ACY1: variants seen among roughly 807,000 people sequenced by gnomAD.
ACY1 encodes aminoacylase-1.
ACY1 carries 38 observed loss-of-function variants against 53.3 expected under a neutral mutation model. That is an observed-to-expected ratio of 0.71 (90% CI 0.55 to 0.93). The LOEUF is 0.93. ACY1 is among the 40% of genes least tolerant of loss of function. The pLI, the probability that ACY1 is intolerant of heterozygous loss-of-function variation, is 0.00. For missense variants in ACY1, 484 were observed against 540.9 expected (o/e 0.89, Z 1.04); for synonymous variants, 177 against 202.1 (o/e 0.88, Z 1.05).
At chr3:51,986,575 C>T (rs1701066591) in intron 7 of ACY1, 30 bp from the exon 8 acceptor site, 5 of 1,614,154 alleles carry the variant, frequency 3.1e-6, no homozygotes, top group South Asian at 1.1e-5. Context: ...CTGAGCTGCT[C>T]CACCCTCTGA....
chr3:51,985,916 G>A lies in ACY1; in HGVS notation c.329G>A (p.Gly110Asp). ...KDSEGYIYAR[G>D]AQDMKCVSIQ... is the part of the protein sequence containing the mutation. ...TCTGAGGGCTACATCTATGCCAGGG[G>A]TGCCCAGGACATGAAGTGCGTCAGC... Residue 110 changes from glycine (G) to aspartate (D), a missense_variant, in exon 5 of 15, where the codon GGT (glycine) becomes GAT (aspartate). Transcript: ENST00000636358. 1 of 1,613,120 alleles carries A rather than the reference G, an allele frequency of 6.2e-7. No homozygotes were observed. Among genetic ancestry groups the A allele is most frequent in the Non-Finnish European group, 8.5e-7 (1 of 1,179,598 alleles).
intron 8 of ACY1, 85 bp from the exon 9 acceptor site, chr3:51,986,903 A>C: frequency 6.9e-7 from 1 of 1,447,238 alleles, no homozygotes; most frequent in African/African-American, 1.4e-5. Context: ...GCCTGGAATG[A>C]GGGGGAGACC....
rs1359210447 is a variant in ACY1 at position 51,983,779 on chromosome 3, C to A, written c.-19+190C>A. Among the ~76,000 whole-genome samples the A allele has an allele frequency of 2.0e-5, 3 of 151,766 alleles. 1 individual carries two copies. Among genetic ancestry groups the A allele is most frequent in the African/African-American group, 7.3e-5 (3 of 41,270 alleles). On this transcript the variant is annotated intron_variant, in intron 1 of 14. Transcript: ENST00000636358. ...GCTACTCTATGAGCTGTCCTTGAACCTCTCTGAGCCTCTCAGCTTTCTCCT... is the reference window on the plus strand; with the variant it reads ...GCTACTCTATGAGCTGTCCTTGAACATCTCTGAGCCTCTCAGCTTTCTCCT...
Position 51,987,060 on chromosome 3 carries a change from T to C in ACY1, c.656T>C (p.Leu219Pro), listed in dbSNP as rs760174812. Residue 219 changes from leucine to proline, a missense_variant and splice_region_variant, in exon 9 of 15, where the codon CTG becomes CCG. Physicochemically the swap from Leu to Pro is moderately conservative, Grantham distance 98. Transcript: ENST00000636358. ...RFMEDTAAEK[L>P]HKVVNSILAF... The stretch of plus-strand genomic sequence containing the variant: ...ATGGAGGACACAGCAGCAGAGAAGC[T>C]GGTACGTGGCACCCCAGGAGGGAGT... 1 of 1,613,960 alleles carries C rather than the reference T, an allele frequency of 6.2e-7. No homozygotes were observed. The highest frequency in any genetic ancestry group is 8.5e-7 in the Non-Finnish European group (1 of 1,180,002).
chr3:51,985,063 G>A (rs991180980), intron 2 of ACY1, 144 bp from the exon 3 acceptor site: 2 of 832,794 alleles, frequency 2.4e-6, no homozygotes, highest in African/African-American at 3.4e-5. Context: ...TCTTGGGGAT[G>A]GAAATGCAAG....
rs544960661 is a variant in ACY1 at position 51,989,010 on chromosome 3, G to A, written c.1162G>A (p.Val388Met). 3 of 1,614,120 alleles carry A rather than the reference G, an allele frequency of 1.9e-6. No homozygotes were observed. Among genetic ancestry groups the A allele is most frequent in the East Asian group, 2.2e-5 (1 of 44,872 alleles). ...RLHEAVFLRG[V>M]DIYTRLLPAL... ...GCATGAGGCTGTGTTCCTCCGTGGG[G>A]TGGACATATATACACGCCTGCTGCC... The change falls in exon 15 of 15, where the codon GTG (valine) becomes ATG (methionine). Residue 388 changes from valine (V) to methionine (M), a missense_variant. Val to Met is a conservative substitution (Grantham distance 21). Coordinates refer to ENST00000636358, the MANE Select transcript of ACY1 (RefSeq NM_000666.3).
rs757825436 is a variant in ACY1 at position 51,987,549 on chromosome 3, C to G, written c.853-7C>G. 8.7e-6 allele frequency: 14 copies of G among 1,614,114 alleles called. No homozygotes were observed. The Admixed American group carries it at 2.2e-4, about 25-fold the overall frequency. ...CCTGAAGGATCAGCTCGTCTCCCTT[C>G]TCTTAGGCTTTTGAGGAGCAGCTGC... On this transcript the variant is annotated splice_region_variant and splice_polypyrimidine_tract_variant and intron_variant, in intron 11 of 14. Coordinates refer to ENST00000636358, the MANE Select transcript of ACY1 (RefSeq NM_000666.3).
chr3:51,985,059 G>A, intron 2 of ACY1, 148 bp from the exon 3 acceptor site: 2 of 816,768 alleles, frequency 2.4e-6, no homozygotes, highest in Admixed American at 4.1e-5. Context: ...TCTTTCTTGG[G>A]GATGGAAATG....
chr3:51,988,415 A>C (rs1268673851), intron 12 of ACY1, 109 bp from the exon 13 acceptor site: 5 of 949,416 alleles, frequency 5.3e-6, no homozygotes, highest in Non-Finnish European at 8.5e-6. Context: ...GGGTAGGTGA[A>C]GGAGTGGGGG....
At chr3:51,985,738 C>A in intron 4 of ACY1, 114 bp from the exon 5 acceptor site, 2 of 941,112 alleles carry the variant, frequency 2.1e-6, no homozygotes, top group Non-Finnish European at 3.4e-6. Context: ...TCTCCCACCA[C>A]TCCACCTGTC....
rs764452114 is a variant in ACY1 at position 51,987,540 on chromosome 3, G to A, written c.853-16G>A. On this transcript the variant is annotated splice_polypyrimidine_tract_variant and intron_variant, in intron 11 of 14. Coordinates refer to ENST00000636358, the MANE Select transcript of ACY1 (RefSeq NM_000666.3). Reference sequence around the variant, plus strand: ...TCTGGAAAGCCTGAAGGATCAGCTCGTCTCCCTTCTCTTAGGCTTTTGAGG... The same window carrying A: ...TCTGGAAAGCCTGAAGGATCAGCTCATCTCCCTTCTCTTAGGCTTTTGAGG... 7 of 1,614,060 alleles carry A rather than the reference G, an allele frequency of 4.3e-6. No individual in the cohort carries two copies. The highest frequency in any genetic ancestry group is 4.5e-5 in the East Asian group (2 of 44,870).
In ACY1 at chr3:51,986,631, A is replaced by T. The variant is rs755887133; in HGVS notation, c.553A>T (p.Thr185Ser). Residue 185 changes from threonine to serine, a missense_variant, in exon 8 of 15, where the codon ACT (threonine) becomes TCT (serine). Thr to Ser is a moderately conservative substitution (Grantham distance 58, BLOSUM62 1). Transcript: ENST00000636358. ...CATAGCCAATCCCACTGATGCCTTC[A>T]CTGTCTTTTATAGTGAGCGGAGTCC... is the stretch of plus-strand genomic sequence containing the variant. Reference protein sequence around the residue: ...EGIANPTDAFTVFYSERSPWW... With the variant: ...EGIANPTDAFSVFYSERSPWW... 6.2e-7 allele frequency: 1 copy of T among 1,613,990 alleles called. No individual in the cohort carries two copies. Among genetic ancestry groups the T allele is most frequent in the South Asian group, 1.1e-5 (1 of 91,086 alleles).
At chr3:51,983,696 CCT>C in intron 1 of ACY1, 107 bp downstream of exon 1, 1 of 292,160 alleles carries the variant, frequency 3.4e-6, no homozygotes, top group Non-Finnish European at 6.4e-6. Context: ...TTTGTTTTTG[CCT>C]TTTTTTTTTT....
chr3:51,984,213 GCTCTAAACCAGC>G, intron 2 of ACY1, 55 bp downstream of exon 2: 2 of 1,544,326 alleles, frequency 1.3e-6, no homozygotes, highest in Non-Finnish European at 1.8e-6. Flanking sequence ...CGGGGACTGT[GCTCTAAACCAGC>G]CTCCAACCCC....
At chr3:51,985,690 G>A (rs956882973) in intron 4 of ACY1, among the ~76,000 whole-genome samples, 162 bp from the exon 5 acceptor site, 2 of 152,144 alleles carry the variant, frequency 1.3e-5, no homozygotes, top group Admixed American at 6.5e-5. Context: ...AGCAATGGGG[G>A]ATGGCAATCA....
rs560322527 is a variant in ACY1 at position 51,989,020 on chromosome 3, A to G, written c.1172A>G (p.Tyr391Cys). ...EAVFLRGVDI[Y>C]TRLLPALASV... ...GTGTTCCTCCGTGGGGTGGACATAT[A>G]TACACGCCTGCTGCCTGCCCTTGCC... The change falls in exon 15 of 15, where the codon TAT becomes TGT. Residue 391 changes from tyrosine to cysteine, a missense_variant. Coordinates refer to ENST00000636358, the MANE Select transcript of ACY1 (RefSeq NM_000666.3). 1 of 1,614,028 alleles carries G rather than the reference A, an allele frequency of 6.2e-7. No homozygotes were observed. Among genetic ancestry groups the G allele is most frequent in the Admixed American group, 1.7e-5 (1 of 60,010 alleles).
Position 51,986,654 on chromosome 3 carries a change from T to C in ACY1, c.576T>C (p.Ser192=). The C allele has an allele frequency of 6.2e-7, 1 of 1,613,782 alleles. No individual in the cohort carries two copies. The highest frequency in any genetic ancestry group is 8.5e-7 in the Non-Finnish European group (1 of 1,179,942). Residue 192 remains serine, a synonymous_variant, in exon 8 of 15, where the codon AGT becomes AGC. Transcript: ENST00000636358. Reference sequence around the variant, plus strand: ...TCACTGTCTTTTATAGTGAGCGGAGTCCCTGGTGTAAGTATGAGCTTGGAG... The same window carrying C: ...TCACTGTCTTTTATAGTGAGCGGAGCCCCTGGTGTAAGTATGAGCTTGGAG... ...DAFTVFYSER[S]PWWVRVTSTG... is the part of the protein sequence containing the mutation.
intron 10 of ACY1, 50 bp from the exon 11 acceptor site, chr3:51,987,259 G>C: frequency 1.2e-6 from 2 of 1,614,074 alleles, no homozygotes; most frequent in Non-Finnish European, 1.7e-6. Context: ...GATAGAGTCT[G>C]AGCCACCTCT....
chr3:51,987,682 C>T, intron 12 of ACY1, 58 bp downstream of exon 12: 1 of 1,558,320 alleles, frequency 6.4e-7, no homozygotes, highest in Non-Finnish European at 8.8e-7. Flanking sequence ...CCCAAGTGTG[C>T]AACAGTGGAG....
Sources: allele counts gnomAD v4.1 joint callset (sites outside exome capture counted in the v4.1 genomes callset), GRCh38; gene constraint gnomAD v4.1.1; transcripts MANE v1.5; gene names NCBI Gene and HGNC (gene_info 2026-07-23, HGNC 2026-07-21).